Variants in CTNND2 observed in about 807,000 individuals in gnomAD.
CTNND2 encodes the protein catenin delta-2.
CTNND2 carries 22 observed loss-of-function variants against 144.4 expected under a neutral mutation model. The observed-to-expected ratio is 0.15, with a 90% CI of 0.11 to 0.22. CTNND2 has a LOEUF of 0.22. CTNND2 is among the 10% of genes least tolerant of loss of function. The pLI, the probability that CTNND2 is intolerant of heterozygous loss-of-function variation, is 1.00. For synonymous variants in CTNND2, 751 were observed against 695.6 expected (o/e 1.08, Z -1.25); for missense variants, 1,353 against 1,618.8 (o/e 0.84, Z 2.82).
rs1169270632 is a variant in CTNND2, at chr5:11,879,354, T to TATATAC, written c.37+24462_37+24463insGTATAT. On this transcript the variant is annotated intron_variant, in intron 1 of 21. Coordinates refer to ENST00000304623, the MANE Select transcript of CTNND2 (RefSeq NM_001332.4). ...AATTAAATGTGTGTATATATATATATATACATATACACACACACACAAACA... is the reference window on the plus strand; with the variant it reads ...AATTAAATGTGTGTATATATATATATATATACATACATATACACACACACACAAACA... 5.0e-5 allele frequency among the ~76,000 whole-genome samples: 7 copies of TATATAC among 139,780 alleles called. 1 individual carries two copies. The highest frequency in any genetic ancestry group is 1.8e-4 in the African/African-American group (7 of 39,124). The allele number at this position is 139,780 out of a possible 152,430, so 91.7% of individuals were successfully genotyped here.
intron 7 of CTNND2, among the ~76,000 whole-genome samples, chr5:11,372,109 G>T (rs571488557): frequency 2.6e-5 from 4 of 152,090 alleles, no homozygotes; most frequent in African/African-American, 9.7e-5. Flanking sequence ...GAGGTTTTCC[G>T]ATACAATTTA....
chr5:11,662,980 G>A (rs1665930684), intron 2 of CTNND2, among the ~76,000 whole-genome samples: 1 of 152,164 alleles, frequency 6.6e-6, no homozygotes. Context: ...AGAGCATTAT[G>A]TCAAGACCAG....
chr5:11,135,804 T>C (rs1043171173), intron 12 of CTNND2, among the ~76,000 whole-genome samples: 2 of 152,178 alleles, frequency 1.3e-5, no homozygotes, highest in African/African-American at 4.8e-5. Context: ...CCCCTTACCA[T>C]GCAGCGAGAT....
At chr5:11,071,622 G>A (rs1465144245) in intron 16 of CTNND2, among the ~76,000 whole-genome samples, 1 of 151,988 alleles carries the variant, frequency 6.6e-6, no homozygotes, top group Non-Finnish European at 1.5e-5. Flanking sequence ...TTCACATCAG[G>A]AAACACTGAC....
intron 7 of CTNND2, among the ~76,000 whole-genome samples, chr5:11,366,820 A>T (rs927587498): frequency 6.6e-6 from 1 of 152,166 alleles, no homozygotes; most frequent in African/African-American, 2.4e-5. Flanking sequence ...CAATGAGAGG[A>T]TCTGCTGAAC....
rs1264426498 is a variant in CTNND2, at chr5:11,656,007, A to G, written c.174+76129T>C. ...GCAGCAGATTATTCTTTGATTCAGTAAAAAAAAAAATTATTTTAGTTTTAA... is the reference window on the plus strand; with the variant it reads ...GCAGCAGATTATTCTTTGATTCAGTGAAAAAAAAAATTATTTTAGTTTTAA... On this transcript the variant is annotated intron_variant, in intron 2 of 21. Transcript: ENST00000304623. 1.2e-4 allele frequency among the ~76,000 whole-genome samples: 8 copies of G among 65,690 alleles called. No homozygotes were observed. The South Asian group carries it at 2.8e-3, about 23-fold the overall frequency. 43.1% of individuals were successfully genotyped at this position (65,690 alleles called of 152,430 possible).
At chr5:11,863,034 C>T (rs1795575104) in intron 1 of CTNND2, among the ~76,000 whole-genome samples, 1 of 152,142 alleles carries the variant, frequency 6.6e-6, no homozygotes, top group Non-Finnish European at 1.5e-5. Context: ...GCTTGGCTGT[C>T]CCTAGTTTAG....
intron 9 of CTNND2, among the ~76,000 whole-genome samples, chr5:11,306,268 A>T (rs1252769963): frequency 1.3e-5 from 2 of 152,222 alleles, no homozygotes; most frequent in East Asian, 3.8e-4. Context: ...AGATAAACAG[A>T]TTCATGATAT....
intron 21 of CTNND2, among the ~76,000 whole-genome samples, chr5:10,976,533 G>A (rs1285504990): frequency 6.6e-6 from 1 of 152,190 alleles, no homozygotes; most frequent in Admixed American, 6.5e-5. Context: ...CCTTAACGCT[G>A]CATCTTGTTT....
At chr5:11,745,165 T>C (rs1465384436) in intron 1 of CTNND2, among the ~76,000 whole-genome samples, 1 of 152,198 alleles carries the variant, frequency 6.6e-6, no homozygotes, top group Non-Finnish European at 1.5e-5. Context: ...AACATTGTAT[T>C]TATGGATTTG....
chr5:11,868,674 T>C (rs1014461444), intron 1 of CTNND2, among the ~76,000 whole-genome samples: 12 of 152,154 alleles, frequency 7.9e-5, no homozygotes, highest in Admixed American at 2.6e-4. Flanking sequence ...TCTAAGTTCA[T>C]GAATAAATTT....
At chr5:11,040,784 T>C (rs910124514) in intron 16 of CTNND2, among the ~76,000 whole-genome samples, 3 of 152,224 alleles carry the variant, frequency 2.0e-5, no homozygotes, top group Non-Finnish European at 2.9e-5. Flanking sequence ...TTTAAATAAT[T>C]TGATTAACTA....
chr5:11,704,269 C>T (rs1300706250), intron 2 of CTNND2, among the ~76,000 whole-genome samples: 1 of 152,216 alleles, frequency 6.6e-6, no homozygotes, highest in South Asian at 2.1e-4. Context: ...CAATGCATGG[C>T]CTTGGCTGAC....
At chr5:11,500,176 C>T (rs1295844692) in intron 3 of CTNND2, among the ~76,000 whole-genome samples, 1 of 152,102 alleles carries the variant, frequency 6.6e-6, no homozygotes, top group African/African-American at 2.4e-5. Flanking sequence ...ACCCTCTATG[C>T]CTGCATATTA....
chr5:11,797,993 C>CA (rs1486693849), intron 1 of CTNND2, among the ~76,000 whole-genome samples: 11 of 152,238 alleles, frequency 7.2e-5, no homozygotes, highest in African/African-American at 2.6e-4. Context: ...CTTGGTGGCT[C>CA]ACGCCTGTAA....
intron 2 of CTNND2, among the ~76,000 whole-genome samples, chr5:11,651,402 C>G (rs992844123): frequency 1.3e-5 from 2 of 152,192 alleles, no homozygotes; most frequent in Non-Finnish European, 1.5e-5. Flanking sequence ...GCTGCAGGCG[C>G]ACAGCCATCA....
intron 16 of CTNND2, among the ~76,000 whole-genome samples, chr5:11,076,010 G>A (rs565498782): frequency 3.4e-4 from 52 of 152,300 alleles, no homozygotes; most frequent in African/African-American, 1.2e-3. Context: ...TACATACCGA[G>A]TTCTTGTTAT....
At chr5:11,195,888 C>T (rs1198528065) in intron 11 of CTNND2, among the ~76,000 whole-genome samples, 1 of 152,052 alleles carries the variant, frequency 6.6e-6, no homozygotes, top group African/African-American at 2.4e-5. Flanking sequence ...ACAATAGCTT[C>T]GATTGGATTT....
chr5:11,667,354 A>C (rs1416661715), intron 2 of CTNND2, among the ~76,000 whole-genome samples: 10 of 152,262 alleles, frequency 6.6e-5, no homozygotes, highest in Middle Eastern at 3.4e-3. Flanking sequence ...TGTCTTCCCC[A>C]ATGGTTGAAC....
Sources: allele counts gnomAD v4.1 joint callset (sites outside exome capture counted in the v4.1 genomes callset), GRCh38; gene constraint gnomAD v4.1.1; transcripts MANE v1.5; gene names NCBI Gene and HGNC (gene_info 2026-07-23, HGNC 2026-07-21).